Variants in SYNE1 observed in about 807,000 individuals in gnomAD.
SYNE1 encodes nesprin-1.
In SYNE1, 616 loss-of-function variants were observed where a neutral mutation model predicts 1,111.0. That is an observed-to-expected ratio of 0.55 (90% CI 0.52 to 0.59). SYNE1 has a LOEUF of 0.59. Among genes scored for constraint, SYNE1 ranks in the 20% least tolerant of loss-of-function variants. The pLI is 0.00. For synonymous variants in SYNE1, 3,855 were observed against 3,825.8 expected (o/e 1.01, Z -0.28); for missense variants, 10,006 against 10,417.0 (o/e 0.96, Z 1.72).
intron 74 of SYNE1, among the ~76,000 whole-genome samples, chr6:152,340,488 C>G (rs541251198): frequency 6.6e-6 from 1 of 152,262 alleles, no homozygotes; most frequent in Admixed American, 6.5e-5. Context: ...TCGCGTCTAC[C>G]CACTTAATGC....
intron 125 of SYNE1, among the ~76,000 whole-genome samples, chr6:152,207,328 ACAAGT>A (rs780929907): frequency 1.6e-4 from 25 of 152,324 alleles, no homozygotes; most frequent in Non-Finnish European, 4.4e-5. Flanking sequence ...GGTTAGAAAC[ACAAGT>A]CAAAAGCACA....
intron 104 of SYNE1, among the ~76,000 whole-genome samples, chr6:152,250,009 G>A (rs1191460858): frequency 6.6e-6 from 1 of 152,050 alleles, no homozygotes; most frequent in African/African-American, 2.4e-5. Flanking sequence ...GTTCATCTCT[G>A]TAATACCAGA....
intron 82 of SYNE1, 73 bp downstream of exon 82, chr6:152,323,405 C>A (rs2095942605): frequency 6.3e-7 from 1 of 1,591,278 alleles, no homozygotes; most frequent in African/African-American, 1.3e-5. Context: ...CACATTTGCA[C>A]TCCAGCCTGG....
At position 152,483,067 on chromosome 6, in the gene SYNE1, T is replaced by C; in HGVS notation, c.1350+18A>G. ...GTAGGGCTGTTATGCTGCAAGGTTT[T>C]CCAACCAGAATTTTTACCTTATGTT... is the stretch of plus-strand genomic sequence containing the variant. On this transcript the variant is annotated intron_variant, in intron 14 of 145. Coordinates refer to ENST00000367255, the MANE Select transcript of SYNE1 (RefSeq NM_182961.4). The C allele has an allele frequency of 1.2e-6, 2 of 1,614,204 alleles. No individual in the cohort carries two copies. The highest frequency in any genetic ancestry group is 1.1e-5 in the South Asian group (1 of 91,088).
At chr6:152,387,037 T>C (rs1397105252) in intron 54 of SYNE1, 35 bp downstream of exon 54, 1 of 1,564,662 alleles carries the variant, frequency 6.4e-7, no homozygotes, top group Non-Finnish European at 8.8e-7. Flanking sequence ...TATTAATGTA[T>C]TATAAAGCAT....
intron 93 of SYNE1, among the ~76,000 whole-genome samples, chr6:152,294,435 A>G (rs1308760136): frequency 6.6e-6 from 1 of 152,236 alleles, no homozygotes; most frequent in Non-Finnish European, 1.5e-5. Flanking sequence ...AGCAGTACAC[A>G]TGTATTTAAA....
intron 139 of SYNE1, 64 bp downstream of exon 139, chr6:152,141,139 T>C (rs117392182): frequency 2.7e-5 from 43 of 1,611,918 alleles, no homozygotes; most frequent in Non-Finnish European, 3.6e-5. Context: ...GGAATTTCGC[T>C]GTTAACAAAG....
intron 139 of SYNE1, 72 bp from the exon 140 acceptor site, chr6:152,140,233 A>G: frequency 6.7e-7 from 1 of 1,495,236 alleles, no homozygotes; most frequent in South Asian, 1.1e-5. Flanking sequence ...CTTTAAACAT[A>G]GGTTGGCAGC....
At chr6:152,383,065 CT>C (rs2097453209) in intron 55 of SYNE1, among the ~76,000 whole-genome samples, 1 of 152,106 alleles carries the variant, frequency 6.6e-6, no homozygotes, top group African/African-American at 2.4e-5. Flanking sequence ...AGAGGAGGTG[CT>C]TTATGTATTT....
chr6:152,238,498 A>T (rs568675701), intron 108 of SYNE1, among the ~76,000 whole-genome samples: 1 of 152,326 alleles, frequency 6.6e-6, no homozygotes, highest in East Asian at 1.9e-4. Flanking sequence ...TCTCTCCAAA[A>T]TATAGGGAAT....
At chr6:152,536,702 T>C (rs2127919748) in intron 4 of SYNE1, among the ~76,000 whole-genome samples, 1 of 151,690 alleles carries the variant, frequency 6.6e-6, no homozygotes, top group African/African-American at 2.4e-5. Context: ...ATAATCTCAA[T>C]CATTTGCTCA....
At position 152,344,304 on chromosome 6, in the gene SYNE1, A is replaced by C. The variant is rs1447816014; in HGVS notation, c.12079-77T>G. The C allele has an allele frequency of 5.7e-6, 9 of 1,589,548 alleles. No homozygotes were observed. In the South Asian group the frequency reaches 8.9e-5, roughly 16 times the overall value. On this transcript the variant is annotated intron_variant, in intron 73 of 145. Coordinates refer to ENST00000367255, the MANE Select transcript of SYNE1 (RefSeq NM_182961.4). Reference sequence around the variant, plus strand: ...AAAGATCATTCAAATTCAATGAAACATGACCAGTACATCTAAATGGATTTT... The same window carrying C: ...AAAGATCATTCAAATTCAATGAAACCTGACCAGTACATCTAAATGGATTTT...
At chr6:152,500,512 G>T (rs2099023695) in intron 10 of SYNE1, among the ~76,000 whole-genome samples, 1 of 152,176 alleles carries the variant, frequency 6.6e-6, no homozygotes, top group Non-Finnish European at 1.5e-5. Context: ...TTCATTTAGA[G>T]ACCTAGGAAA....
At position 152,122,623 on chromosome 6, in the gene SYNE1, G is replaced by C; in HGVS notation, c.26207C>G (p.Ser8736Cys). The change falls in exon 146 of 146, where the codon TCC (serine) becomes TGC (cysteine). Residue 8736 changes from serine (S) to cysteine (C), a missense_variant. Coordinates refer to ENST00000367255, the MANE Select transcript of SYNE1 (RefSeq NM_182961.4). ...SSLSEPGPGR[S>C]GRGFLFRVLR... ...GACTCTGAACAGGAAGCCGCGGCCGGACCGACCTGGCCCTGGCTCAGAAAG... is the reference window on the plus strand; with the variant it reads ...GACTCTGAACAGGAAGCCGCGGCCGCACCGACCTGGCCCTGGCTCAGAAAG... 1 of 1,614,140 alleles carries C rather than the reference G, an allele frequency of 6.2e-7. No individual in the cohort carries two copies. Among genetic ancestry groups the C allele is most frequent in the Non-Finnish European group, 8.5e-7 (1 of 1,180,010 alleles).
intron 14 of SYNE1, chr6:152,480,780 C>T (rs1317253728): frequency 4.4e-6 from 2 of 455,982 alleles, no homozygotes; most frequent in Non-Finnish European, 8.8e-6. Flanking sequence ...CCTTAGTTTT[C>T]TCTTCAGTCT....
intron 3 of SYNE1, among the ~76,000 whole-genome samples, chr6:152,621,824 T>A (rs1357284451): frequency 2.0e-5 from 3 of 152,142 alleles, no homozygotes; most frequent in Non-Finnish European, 4.4e-5. Flanking sequence ...CTCAAAACAT[T>A]GTATCTACAA....
At chr6:152,547,013 G>A (rs967616182) in intron 3 of SYNE1, 27 of 152,366 alleles carry the variant, frequency 1.8e-4, no homozygotes, top group Admixed American at 1.7e-3. Context: ...AGGTACCTCA[G>A]ATGGCAGCCA....
At chr6:152,341,201 A>G (rs1238358606) in intron 74 of SYNE1, among the ~76,000 whole-genome samples, 2 of 152,240 alleles carry the variant, frequency 1.3e-5, no homozygotes, top group Non-Finnish European at 2.9e-5. Flanking sequence ...GTGAGTCATC[A>G]GCCACTGTGC....
Position 152,164,291 on chromosome 6 carries a change from G to T in SYNE1, c.23662C>A (p.Gln7888Lys). The T allele has an allele frequency of 2.5e-6, 4 of 1,614,160 alleles. No individual in the cohort carries two copies. The highest frequency in any genetic ancestry group is 3.4e-6 in the Non-Finnish European group (4 of 1,180,036). Residue 7888 changes from glutamine (Q) to lysine (K), a missense_variant, in exon 131 of 146, where the codon CAG becomes AAG. Coordinates refer to ENST00000367255, the MANE Select transcript of SYNE1 (RefSeq NM_182961.4). ...KKLKETLVAV[Q>K]QLDKNMSSLR... Reference sequence around the variant, plus strand: ...CTGCTCATGTTCTTATCAAGCTGCTGCACGGCTACCAGGGTCTCCTTCAGC... The same window carrying T: ...CTGCTCATGTTCTTATCAAGCTGCTTCACGGCTACCAGGGTCTCCTTCAGC...
Sources: gnomAD v4.1 joint callset for allele counts (sites outside exome capture counted in the v4.1 genomes callset) on GRCh38, gnomAD v4.1.1 for gene constraint, MANE v1.5 for transcripts, NCBI Gene and HGNC (gene_info 2026-07-23, HGNC 2026-07-21) for gene names.